The following MRC1 variants were observed in gnomAD, a reference collection of about 807,000 sequenced individuals.
MRC1 encodes the protein macrophage mannose receptor 1.
In MRC1, 62 loss-of-function variants were observed where a neutral mutation model predicts 102.9. That is an observed-to-expected ratio of 0.60 (90% CI 0.49 to 0.74). MRC1 has a LOEUF of 0.74. Among genes scored for constraint, MRC1 ranks in the 30% least tolerant of loss-of-function variants. The pLI is 0.00. For synonymous variants in MRC1, 457 were observed against 298.4 expected (o/e 1.53, Z -5.48); for missense variants, 1,237 against 862.8 (o/e 1.43, Z -5.43).
intron 24 of MRC1, among the ~76,000 whole-genome samples, chr10:17,899,592 G>A (rs1366304633): frequency 1.3e-5 from 2 of 151,972 alleles, no homozygotes; most frequent in Non-Finnish European, 2.9e-5. Context: ...AATTGGCTTC[G>A]TAAATTAAAT....
intron 26 of MRC1, among the ~76,000 whole-genome samples, chr10:17,904,595 C>T (rs964803787): frequency 2.6e-5 from 4 of 152,130 alleles, no homozygotes; most frequent in Non-Finnish European, 5.9e-5. Context: ...GTGGTAGGTG[C>T]AGATTTCTTT....
chr10:17,870,169 C>T, intron 12 of MRC1, 77 bp from the exon 13 acceptor site: 2 of 729,426 alleles, frequency 2.7e-6, no homozygotes, highest in Non-Finnish European at 5.0e-6. Context: ...GAACTCTCAT[C>T]AAAAGTAAAT....
chr10:17,877,889 C>T lies in MRC1; in HGVS notation c.2551-11C>T, dbSNP rs1833459170. 6.9e-6 allele frequency: 6 copies of T among 871,970 alleles called. No homozygotes were observed. The South Asian group carries it at 7.8e-5, about 11-fold the overall frequency. The allele number at this position is 871,970 out of a possible 1,614,324, so 54.0% of individuals were successfully genotyped here. ...TCTAAATTAAACTATACGTAAACTTCCATGTTTCAGGTAAACAGAAATGAT... is the reference window on the plus strand; with the variant it reads ...TCTAAATTAAACTATACGTAAACTTTCATGTTTCAGGTAAACAGAAATGAT... On this transcript the variant is annotated splice_polypyrimidine_tract_variant and intron_variant, in intron 17 of 29. Transcript: ENST00000569591.
At chr10:17,870,964 TCTTA>T (rs1833347226) in intron 14 of MRC1, 29 bp downstream of exon 14, 1 of 864,560 alleles carries the variant, frequency 1.2e-6, no homozygotes, top group African/African-American at 1.6e-5. Context: ...TATATAACTT[TCTTA>T]CTTTATCGTG....
chr10:17,837,005 C>A (rs2130619036), intron 4 of MRC1, among the ~76,000 whole-genome samples: 1 of 152,256 alleles, frequency 6.6e-6, no homozygotes, highest in South Asian at 2.1e-4. Flanking sequence ...ACTTTGTGCG[C>A]TCTCCACCAG....
chr10:17,894,403 T>TG, intron 23 of MRC1, 91 bp downstream of exon 23: 1 of 686,754 alleles, frequency 1.5e-6, no homozygotes. Flanking sequence ...TCTTTTTTTT[T>TG]TTTTTTTTTT....
chr10:17,910,078 C>A, intron 29 of MRC1, 137 bp from the exon 30 acceptor site: 1 of 732,426 alleles, frequency 1.4e-6, no homozygotes, highest in Non-Finnish European at 2.5e-6. Flanking sequence ...CTTGTTTTCA[C>A]ATCTTTCTTT....
Position 17,823,378 on chromosome 10 carries a change from A to G in MRC1, c.366A>G (p.Arg122=). 1 of 780,896 alleles carries G rather than the reference A, an allele frequency of 1.3e-6. No individual in the cohort carries two copies. The highest frequency in any genetic ancestry group is 1.7e-5 in the Admixed American group (1 of 59,034). 48.4% of individuals were successfully genotyped at this position (780,896 alleles called of 1,614,324 possible). A position where few individuals can be genotyped will look rare whatever the true frequency, so the allele number is the denominator to read the frequency against. The change falls in exon 2 of 30, where the codon AGA becomes AGG. Residue 122 remains arginine (R), a synonymous_variant. Coordinates refer to ENST00000569591, the MANE Select transcript of MRC1 (RefSeq NM_002438.4). ...GEDLFFNYGN[R]QEKNIMLYKG... is the part of the protein sequence containing the mutation. Reference sequence around the variant, plus strand: ...ATTTATTTTTTAACTACGGCAACAGACAAGAAAAGAATATTATGCTCTACA... The same window carrying G: ...ATTTATTTTTTAACTACGGCAACAGGCAAGAAAAGAATATTATGCTCTACA...
At chr10:17,866,414 G>A (rs1554841487) in intron 11 of MRC1, 148 bp from the exon 12 acceptor site, 2 of 716,144 alleles carry the variant, frequency 2.8e-6, no homozygotes, top group Non-Finnish European at 5.1e-6. Flanking sequence ...CCAAATGTTA[G>A]AAATATAAAG....
chr10:17,818,655 A>G (rs1838348489), intron 1 of MRC1, among the ~76,000 whole-genome samples: 1 of 152,216 alleles, frequency 6.6e-6, no homozygotes, highest in Non-Finnish European at 1.5e-5. Context: ...CTAAAAATAC[A>G]AAAATTAGGT....
intron 21 of MRC1, 44 bp downstream of exon 21, chr10:17,881,225 A>G: frequency 1.3e-6 from 1 of 768,002 alleles, no homozygotes; most frequent in South Asian, 1.4e-5. Flanking sequence ...TAAATATGGA[A>G]TTCTGACTGC....
chr10:17,866,434 C>T, intron 11 of MRC1, 128 bp from the exon 12 acceptor site: 2 of 758,132 alleles, frequency 2.6e-6, no homozygotes, highest in Admixed American at 1.8e-5. Flanking sequence ...GTGTTACAAA[C>T]CCCCCTGCAT....
At chr10:17,909,867 C>T (rs1169495915) in intron 29 of MRC1, among the ~76,000 whole-genome samples, 1 of 151,962 alleles carries the variant, frequency 6.6e-6, no homozygotes, top group Non-Finnish European at 1.5e-5. Context: ...CTCTTCATTT[C>T]CATTTTCTTT....
chr10:17,891,498 A>G (rs1279255447), intron 22 of MRC1, among the ~76,000 whole-genome samples: 5 of 152,168 alleles, frequency 3.3e-5, no homozygotes, highest in Non-Finnish European at 7.3e-5. Context: ...CAGTGTAATA[A>G]TAACAGCAGT....
At chr10:17,907,458 C>A in intron 27 of MRC1, 76 bp from the exon 28 acceptor site, 1 of 776,740 alleles carries the variant, frequency 1.3e-6, no homozygotes, top group Non-Finnish European at 2.4e-6. Context: ...TTAGAAATTT[C>A]ACATAAATTG....
Position 17,873,494 on chromosome 10 carries a change from TC to T in MRC1, c.2345-289del, listed in dbSNP as rs1482632817. On this transcript the variant is annotated intron_variant, in intron 15 of 29. Transcript: ENST00000569591. ...GGCTTTCTGATTCTAAAACTCATGA[TC>T]TTTTTTTTTTTCCTTTATATAATGC... Among the ~76,000 whole-genome samples the T allele has an allele frequency of 2.7e-4, 34 of 123,698 alleles. 1 individual carries two copies. Among genetic ancestry groups the T allele is most frequent in the Middle Eastern group, 4.2e-3 (1 of 238 alleles). The allele number at this position is 123,698 out of a possible 152,430, so 81.2% of individuals were successfully genotyped here.
intron 26 of MRC1, among the ~76,000 whole-genome samples, chr10:17,903,535 A>G (rs1270229983): frequency 6.6e-6 from 1 of 151,472 alleles, no homozygotes; most frequent in Non-Finnish European, 1.5e-5. Context: ...AGCTGAGACA[A>G]CAGGCACATG....
At chr10:17,813,682 T>TTATATATATATA (rs1160018461) in intron 1 of MRC1, among the ~76,000 whole-genome samples, 4 of 124,050 alleles carry the variant, frequency 3.2e-5, no homozygotes, top group African/African-American at 9.1e-5. Context: ...CACACACACA[T>TTATATATATATA]TATATATATA....
intron 17 of MRC1, among the ~76,000 whole-genome samples, 170 bp from the exon 18 acceptor site, chr10:17,877,729 AT>A (rs1284916328): frequency 9.3e-5 from 14 of 151,328 alleles, no homozygotes; most frequent in South Asian, 2.1e-4. Flanking sequence ...AATTGTGTGC[AT>A]TTTTTTTTAT....
Sources: gnomAD v4.1 joint callset for allele counts (sites outside exome capture counted in the v4.1 genomes callset) on GRCh38, gnomAD v4.1.1 for gene constraint, MANE v1.5 for transcripts, NCBI Gene and HGNC (gene_info 2026-07-23, HGNC 2026-07-21) for gene names.